NTRK2: variants seen among roughly 807,000 people sequenced by gnomAD.
NTRK2 encodes the protein BDNF/NT-3 growth factors receptor.
Under a neutral mutation model 94.5 loss-of-function variants are expected in NTRK2, and 13 were observed. The ratio of observed to expected loss-of-function variants is 0.14; its 90% CI spans 0.09 to 0.22. The LOEUF (loss-of-function observed/expected upper bound fraction) is 0.22. Ranked by LOEUF, NTRK2 falls within the 10% of genes least tolerant of loss-of-function variation. The probability of loss-of-function intolerance (pLI) is 1.00; values close to 1 mark genes in which losing one functional copy is unlikely to be tolerated. For missense variants in NTRK2, 639 were observed against 1,071.2 expected (o/e 0.60, Z 5.63); for synonymous variants, 372 against 407.4 (o/e 0.91, Z 1.05).
chr9:84,867,301 C>T lies in NTRK2; in HGVS notation c.1503C>T (p.Ser501=), dbSNP rs2132057860. The change falls in exon 14 of 19, where the codon TCC becomes TCT. Residue 501 remains serine (S), a synonymous_variant. Coordinates refer to ENST00000277120, the MANE Select transcript of NTRK2 (RefSeq NM_006180.6). ...DDSASPLHHI[S]NGSNTPSSSE... is the part of the protein sequence containing the mutation. The stretch of plus-strand genomic sequence containing the variant: ...CTGCCAGCCCACTCCATCACATCTC[C>T]AATGGGAGTAACACTCCATCTTCTT... 6.2e-7 allele frequency: 1 copy of T among 1,614,064 alleles called. No homozygotes were observed. The highest frequency in any genetic ancestry group is 8.5e-7 in the Non-Finnish European group (1 of 1,179,952).
chr9:84,699,681 C>A (rs906793777), intron 2 of NTRK2, among the ~76,000 whole-genome samples: 1 of 148,502 alleles, frequency 6.7e-6, no homozygotes, highest in Non-Finnish European at 1.5e-5. Flanking sequence ...TTTTTTCTAA[C>A]GAGTGTATGC....
intron 12 of NTRK2, among the ~76,000 whole-genome samples, chr9:84,760,933 A>G (rs1279145999): frequency 6.6e-6 from 1 of 152,236 alleles, no homozygotes; most frequent in East Asian, 1.9e-4. Flanking sequence ...CTAGAAAGGA[A>G]AAGAGGGATT....
At chr9:84,758,329 T>A in intron 12 of NTRK2, among the ~76,000 whole-genome samples, 1 of 152,036 alleles carries the variant, frequency 6.6e-6, no homozygotes, top group Non-Finnish European at 1.5e-5. Context: ...AAATATTTAT[T>A]TCACTAGTTT....
chr9:84,703,993 T>C (rs528760047), intron 4 of NTRK2, among the ~76,000 whole-genome samples: 1 of 152,300 alleles, frequency 6.6e-6, no homozygotes, highest in African/African-American at 2.4e-5. Context: ...TTCATTACAG[T>C]TGACCTTAGA....
chr9:84,777,340 A>G (rs369771545), intron 12 of NTRK2, among the ~76,000 whole-genome samples: 1 of 152,346 alleles, frequency 6.6e-6, no homozygotes, highest in African/African-American at 2.4e-5. Flanking sequence ...AAATAGTAGT[A>G]GGAAGAAAAG....
chr9:85,016,714 G>T (rs1259084563), intron 17 of NTRK2, among the ~76,000 whole-genome samples: 3 of 152,152 alleles, frequency 2.0e-5, no homozygotes, highest in Admixed American at 1.3e-4. Context: ...CTGAGAAAGG[G>T]TTGCAAAAGA....
At chr9:84,929,535 G>T (rs1198793621) in intron 14 of NTRK2, among the ~76,000 whole-genome samples, 3 of 150,956 alleles carry the variant, frequency 2.0e-5, no homozygotes, top group Admixed American at 6.6e-5. Context: ...TCAAATCTAG[G>T]AAGTCATTCA....
At chr9:84,718,490 T>G (rs1382407991) in intron 6 of NTRK2, among the ~76,000 whole-genome samples, 10 of 152,154 alleles carry the variant, frequency 6.6e-5, no homozygotes. Flanking sequence ...CACTGCCTGG[T>G]TGATGATTTT....
chr9:84,872,035 C>A, intron 14 of NTRK2: 1 of 1,446,018 alleles, frequency 6.9e-7, no homozygotes, highest in Non-Finnish European at 9.1e-7. Context: ...AGTACTATGC[C>A]ACTTTAACTA....
chr9:84,770,643 G>A (rs1036776651), intron 12 of NTRK2, among the ~76,000 whole-genome samples: 1 of 152,192 alleles, frequency 6.6e-6, no homozygotes, highest in Non-Finnish European at 1.5e-5. Context: ...GACTTTATAT[G>A]TGCAAGTGGG....
chr9:84,874,776 T>A, intron 14 of NTRK2: 2 of 1,059,152 alleles, frequency 1.9e-6, no homozygotes, highest in Non-Finnish European at 2.3e-6. Flanking sequence ...CTGCCCTTTG[T>A]TTGGGTTTGC....
At chr9:84,871,677 A>C in intron 14 of NTRK2, 3 of 866,418 alleles carry the variant, frequency 3.5e-6, no homozygotes, top group Non-Finnish European at 6.0e-6. Context: ...GAGTGATATG[A>C]GGGTTTCATT....
At chr9:84,879,987 T>C (rs1248280525) in intron 14 of NTRK2, among the ~76,000 whole-genome samples, 3 of 152,218 alleles carry the variant, frequency 2.0e-5, no homozygotes, top group Non-Finnish European at 4.4e-5. Context: ...CTTTAAGAAA[T>C]ATTAAATGAT....
At chr9:84,755,045 C>T (rs933321757) in intron 12 of NTRK2, among the ~76,000 whole-genome samples, 3 of 152,178 alleles carry the variant, frequency 2.0e-5, no homozygotes, top group African/African-American at 4.8e-5. Context: ...ATGGATTGGC[C>T]TGAGATCCAC....
At chr9:84,793,307 T>C (rs979109038) in intron 12 of NTRK2, among the ~76,000 whole-genome samples, 3 of 151,574 alleles carry the variant, frequency 2.0e-5, no homozygotes, top group Non-Finnish European at 4.4e-5. Context: ...AAAAAAAAAT[T>C]GCCCCAGTTA....
chr9:84,719,598 G>T (rs572030742), intron 6 of NTRK2, among the ~76,000 whole-genome samples: 1 of 152,236 alleles, frequency 6.6e-6, no homozygotes, highest in South Asian at 2.1e-4. Flanking sequence ...ATGCCAAGGT[G>T]GGTGTCTTTA....
At chr9:84,997,803 G>A (rs1329355158) in intron 17 of NTRK2, among the ~76,000 whole-genome samples, 1 of 152,204 alleles carries the variant, frequency 6.6e-6, no homozygotes, top group Admixed American at 6.5e-5. Flanking sequence ...TTCAGCCATG[G>A]TGGAATGGCA....
chr9:84,997,162 G>C (rs1829846582), intron 17 of NTRK2, among the ~76,000 whole-genome samples: 1 of 152,204 alleles, frequency 6.6e-6, no homozygotes, highest in African/African-American at 2.4e-5. Flanking sequence ...GATTTATAGG[G>C]AAGAGCTGGT....
intron 6 of NTRK2, among the ~76,000 whole-genome samples, chr9:84,723,340 T>A (rs1465445253): frequency 6.6e-6 from 1 of 152,246 alleles, no homozygotes; most frequent in Non-Finnish European, 1.5e-5. Context: ...TCGGCAATAA[T>A]GCTTTAAGTA....
Sources: allele counts gnomAD v4.1 joint callset (sites outside exome capture counted in the v4.1 genomes callset), GRCh38; gene constraint gnomAD v4.1.1; transcripts MANE v1.5; gene names NCBI Gene and HGNC (gene_info 2026-07-23, HGNC 2026-07-21).